Variants in AADAT observed in about 807,000 individuals in gnomAD.
The protein encoded by AADAT is aminoadipate aminotransferase.
Under a neutral mutation model 56.2 loss-of-function variants are expected in AADAT, and 25 were observed. The observed-to-expected ratio is 0.44, with a 90% CI of 0.32 to 0.62. The LOEUF is 0.62. Ranked by LOEUF, AADAT falls within the 20% of genes least tolerant of loss-of-function variation. AADAT has a pLI of 0.04. For synonymous variants in AADAT, 173 were observed against 164.7 expected, an observed-to-expected ratio of 1.05 and a Z score of -0.39; for missense variants, 387 against 510.5, an observed-to-expected ratio of 0.76 and a Z score of 2.33.
At chr4:170,075,219 T>C (rs1258799040) in intron 4 of AADAT, among the ~76,000 whole-genome samples, 3 of 152,274 alleles carry the variant, frequency 2.0e-5, no homozygotes, top group Admixed American at 2.0e-4. Context: ...ATAGACATTA[T>C]GTAATCTTAA....
chr4:170,063,035 T>C (rs765535054), intron 11 of AADAT, among the ~76,000 whole-genome samples: 3 of 152,230 alleles, frequency 2.0e-5, no homozygotes, highest in Non-Finnish European at 2.9e-5. Context: ...TTCAACAGCA[T>C]TGAGTAACTG....
At chr4:170,070,248 G>C (rs1731694259) in intron 6 of AADAT, among the ~76,000 whole-genome samples, 1 of 151,476 alleles carries the variant, frequency 6.6e-6, no homozygotes, top group Non-Finnish European at 1.5e-5. Context: ...ACATCCCTGG[G>C]TGATGTTTGA....
At chr4:170,063,098 G>A (rs966607969) in intron 11 of AADAT, among the ~76,000 whole-genome samples, 2 of 152,140 alleles carry the variant, frequency 1.3e-5, no homozygotes, top group African/African-American at 2.4e-5. Context: ...ATGATTTGGA[G>A]TACTCTGGGC....
chr4:170,067,514 TTATA>T (rs763544943), intron 8 of AADAT, 126 bp from the exon 9 acceptor site: 7 of 629,410 alleles, frequency 1.1e-5, no homozygotes, highest in Non-Finnish European at 2.0e-5. Flanking sequence ...TGAGCCTAGC[TTATA>T]TAGTCAGTGA....
chr4:170,088,302 C>G, intron 2 of AADAT, 94 bp downstream of exon 2: 2 of 1,295,452 alleles, frequency 1.5e-6, no homozygotes, highest in East Asian at 4.8e-5. Context: ...ATGAATGGAC[C>G]TTAGAATATT....
intron 6 of AADAT, 163 bp downstream of exon 6, chr4:170,070,424 G>T: frequency 1.8e-6 from 1 of 540,632 alleles, no homozygotes. Flanking sequence ...AATAAAACTG[G>T]AAGACTGAAA....
At position 170,089,750 on chromosome 4, in the gene AADAT, A is replaced by C. The variant is rs1013579486; in HGVS notation, c.-60T>G. On this transcript the variant is annotated 5_prime_UTR_variant, in exon 1 of 13. Coordinates refer to ENST00000337664, the MANE Select transcript of AADAT (RefSeq NM_016228.4). ...AGTGGTTGAGGACTAGAAAAACCAA[A>C]GAGCCTCGTCAAGTCCTGCCTGCTA... 2 of 1,573,374 alleles carry C rather than the reference A, an allele frequency of 1.3e-6. No individual in the cohort carries two copies. Among genetic ancestry groups the C allele is most frequent in the Non-Finnish European group, 1.7e-6 (2 of 1,145,916 alleles).
intron 9 of AADAT, among the ~76,000 whole-genome samples, chr4:170,066,811 T>C (rs1243029801): frequency 1.3e-5 from 2 of 152,196 alleles, no homozygotes; most frequent in East Asian, 1.9e-4. Flanking sequence ...GACAATACTA[T>C]TGAAATAATG....
upstream of AADAT, among the ~76,000 whole-genome samples, chr4:170,092,627 C>T (rs1382506791): frequency 2.0e-5 from 3 of 152,330 alleles, no homozygotes; most frequent in East Asian, 3.9e-4. Flanking sequence ...AATGCTTCTG[C>T]GTTCAGAGAC....
intron 1 of AADAT, 83 bp downstream of exon 1, chr4:170,089,541 C>CTG: frequency 6.6e-7 from 1 of 1,509,838 alleles, no homozygotes; most frequent in African/African-American, 1.4e-5. Context: ...TGCAACCAAG[C>CTG]GGTGGCTTGC....
At chr4:170,082,953 T>C (rs1362959342) in intron 3 of AADAT, among the ~76,000 whole-genome samples, 5 of 151,558 alleles carry the variant, frequency 3.3e-5, no homozygotes, top group Non-Finnish European at 7.4e-5. Context: ...GGAGACTTTT[T>C]AACATTTCAC....
In AADAT at chr4:170,064,759, T is replaced by G; in HGVS notation, c.1094A>C (p.Asp365Ala). ...FLWIKVKGIN[D>A]VKELIEEKAV... is the part of the protein sequence containing the mutation. ...CTTTTCTTCAATCAGTTCTTTTACA[T>G]CATTAATGCCTTTAACTTTAATCCA... The change falls in exon 11 of 13, where the codon GAT becomes GCT. Residue 365 changes from aspartate (D) to alanine (A), a missense_variant. Transcript: ENST00000337664. 1 of 1,611,702 alleles carries G rather than the reference T, an allele frequency of 6.2e-7. No individual in the cohort carries two copies. Among genetic ancestry groups the G allele is most frequent in the Non-Finnish European group, 8.5e-7 (1 of 1,179,528 alleles).
rs1731371193 is a variant in AADAT at position 170,064,904 on chromosome 4, TAA to T, written c.1028-81_1028-80del. ...TATCAAAGTGTGTTGTTAAATGGCATAAGTATAGTAAGTAGAAACTAGTATTC... is the reference window on the plus strand; with the variant it reads ...TATCAAAGTGTGTTGTTAAATGGCATGTATAGTAAGTAGAAACTAGTATTC... On this transcript the variant is annotated intron_variant, in intron 10 of 12. Coordinates refer to ENST00000337664, the MANE Select transcript of AADAT (RefSeq NM_016228.4). 4.6e-5 allele frequency: 54 copies of T among 1,169,222 alleles called. No homozygotes were observed. The South Asian group carries it at 6.4e-4, about 14-fold the overall frequency. 72.4% of individuals were successfully genotyped at this position (1,169,222 alleles called of 1,614,324 possible).
rs1264532084 is a variant in AADAT, at chr4:170,088,375, A to G, written c.236+21T>C. On this transcript the variant is annotated intron_variant, in intron 2 of 12. Coordinates refer to ENST00000337664, the MANE Select transcript of AADAT (RefSeq NM_016228.4). ...CTTATGAAAATAAGCCAATAAAATT[A>G]TGTTAAGTATTGATACTTACCCAGC... is the stretch of plus-strand genomic sequence containing the variant. 1.9e-6 allele frequency: 3 copies of G among 1,544,668 alleles called. No individual in the cohort carries two copies. In the African/African-American group the frequency reaches 4.1e-5, roughly 21 times the overall value.
At chr4:170,094,131 C>T (rs771169193), upstream of AADAT, among the ~76,000 whole-genome samples, 2 of 152,062 alleles carry the variant, frequency 1.3e-5, no homozygotes, top group Non-Finnish European at 2.9e-5. Flanking sequence ...ATGATTCAGG[C>T]CAGATGGAGA....
intron 4 of AADAT, among the ~76,000 whole-genome samples, chr4:170,073,911 A>G (rs1731913516): frequency 6.8e-6 from 1 of 146,604 alleles, no homozygotes. Flanking sequence ...GTGGGCAACA[A>G]ATTCGGGGCA....
At chr4:170,087,302 T>A (rs1732610405) in intron 2 of AADAT, 54 bp from the exon 3 acceptor site, 5 of 1,514,166 alleles carry the variant, frequency 3.3e-6, no homozygotes, top group Non-Finnish European at 3.6e-6. Context: ...ATAGTAACAG[T>A]AGTAGACAGG....
chr4:170,070,753 C>T (rs1208719499), intron 5 of AADAT, 101 bp from the exon 6 acceptor site: 1 of 781,926 alleles, frequency 1.3e-6, no homozygotes, highest in African/African-American at 1.8e-5. Context: ...TGTACTCATT[C>T]AAGGAACTAC....
intron 6 of AADAT, 118 bp from the exon 7 acceptor site, chr4:170,069,348 T>C (rs1731649526): frequency 1.4e-6 from 1 of 704,052 alleles, no homozygotes; most frequent in African/African-American, 1.8e-5. Flanking sequence ...ACAAATATTC[T>C]CTTACCTTTA....
Sources: gnomAD v4.1 joint callset for allele counts (sites outside exome capture counted in the v4.1 genomes callset) on GRCh38, gnomAD v4.1.1 for gene constraint, MANE v1.5 for transcripts, NCBI Gene and HGNC (gene_info 2026-07-23, HGNC 2026-07-21) for gene names.